The following AFG2A variants were observed in gnomAD, a reference collection of about 807,000 sequenced individuals.
The protein encoded by AFG2A is AAA ATPase AFG2A, also known as ATPase family gene 2 protein homolog A.
chr4:123,130,264 A>G, the AFG2A span, among the ~76,000 whole-genome samples: 2 of 152,174 alleles, frequency 1.3e-5, no homozygotes, highest in East Asian at 1.9e-4. Context: ...CAGTCCTTTC[A>G]CCTCAGCTTC....
chr4:123,034,667 G>A, the AFG2A span, among the ~76,000 whole-genome samples: 1 of 151,798 alleles, frequency 6.6e-6, no homozygotes, highest in Non-Finnish European at 1.5e-5. Context: ...TTCACTGATT[G>A]TAACAAATAT....
chr4:123,024,323 A>G, the AFG2A span, among the ~76,000 whole-genome samples: 162 of 152,214 alleles, frequency 1.1e-3, no homozygotes, highest in Non-Finnish European at 2.0e-3. Context: ...ATCACCAAAG[A>G]AAAAGGAGAA....
At chr4:123,111,841 A>G in the AFG2A span, among the ~76,000 whole-genome samples, 1 of 152,024 alleles carries the variant, frequency 6.6e-6, no homozygotes, top group African/African-American at 2.4e-5. Flanking sequence ...GGTTCAAGTC[A>G]TTCTTCTGCC....
the AFG2A span, among the ~76,000 whole-genome samples, chr4:123,182,207 A>G: frequency 6.6e-6 from 1 of 152,212 alleles, no homozygotes; most frequent in Non-Finnish European, 1.5e-5. Context: ...CTTTTAAACT[A>G]CATGTTTTCA....
chr4:123,023,617 C>T, the AFG2A span, among the ~76,000 whole-genome samples: 2 of 152,244 alleles, frequency 1.3e-5, no homozygotes, highest in Middle Eastern at 3.4e-3. Flanking sequence ...CTTTTCCACA[C>T]AGGCCTTGAT....
At chr4:122,933,154 A>G in the AFG2A span, among the ~76,000 whole-genome samples, 2 of 152,212 alleles carry the variant, frequency 1.3e-5, no homozygotes, top group African/African-American at 2.4e-5. Context: ...TTCTATTAAC[A>G]AAGTGCTGAA....
the AFG2A span, among the ~76,000 whole-genome samples, chr4:123,174,445 C>G: frequency 6.6e-6 from 1 of 152,132 alleles, no homozygotes; most frequent in South Asian, 2.1e-4. Flanking sequence ...TGGGGAGCCT[C>G]AGTTAACTGA....
At chr4:123,242,903 G>GA in the AFG2A span, among the ~76,000 whole-genome samples, 1 of 151,102 alleles carries the variant, frequency 6.6e-6, no homozygotes, top group Non-Finnish European at 1.5e-5. Flanking sequence ...AAATTTACAA[G>GA]AAAAAAAACA....
At chr4:122,929,819 A>C in the AFG2A span, among the ~76,000 whole-genome samples, 1 of 151,960 alleles carries the variant, frequency 6.6e-6, no homozygotes, top group Non-Finnish European at 1.5e-5. Context: ...CATTTTAAAC[A>C]TTTGATAGCT....
the AFG2A span, among the ~76,000 whole-genome samples, chr4:123,031,400 G>A: frequency 6.6e-6 from 1 of 152,108 alleles, no homozygotes; most frequent in East Asian, 1.9e-4. Context: ...CAATTTGCCC[G>A]CCTCACCCTC....
the AFG2A span, among the ~76,000 whole-genome samples, chr4:123,123,779 C>G: frequency 7.3e-5 from 11 of 150,246 alleles, no homozygotes; most frequent in African/African-American, 2.2e-4. Context: ...AACCCCGTCT[C>G]TACTAAAAAA....
chr4:123,221,947 T>C, the AFG2A span, among the ~76,000 whole-genome samples: 1 of 151,980 alleles, frequency 6.6e-6, no homozygotes. Flanking sequence ...AAAGTAAAAT[T>C]ATATTTGTAG....
the AFG2A span, among the ~76,000 whole-genome samples, chr4:123,283,003 A>G: frequency 9.2e-5 from 14 of 152,182 alleles, no homozygotes; most frequent in African/African-American, 2.9e-4. Flanking sequence ...AACTGTGAAT[A>G]TAAGTGTCTT....
the AFG2A span, among the ~76,000 whole-genome samples, chr4:122,953,600 G>C: frequency 2.6e-5 from 4 of 152,360 alleles, no homozygotes; most frequent in African/African-American, 9.6e-5. Context: ...TCTGCAGGAA[G>C]GGTGGCGGGC....
At chr4:123,270,104 C>G in the AFG2A span, among the ~76,000 whole-genome samples, 1 of 152,180 alleles carries the variant, frequency 6.6e-6, no homozygotes. Flanking sequence ...CGTGAGCCAC[C>G]ACACCCAGCC....
the AFG2A span, among the ~76,000 whole-genome samples, chr4:122,930,989 A>G: frequency 1.3e-5 from 2 of 152,100 alleles, no homozygotes; most frequent in African/African-American, 4.8e-5. Flanking sequence ...GTTAACTTCC[A>G]GTTGGGAAAA....
At chr4:123,118,714 C>T in the AFG2A span, among the ~76,000 whole-genome samples, 2 of 151,906 alleles carry the variant, frequency 1.3e-5, no homozygotes, top group Non-Finnish European at 2.9e-5. Context: ...TAGATATTAT[C>T]GTATTTCCTT....
At chr4:123,148,693 A>G in the AFG2A span, among the ~76,000 whole-genome samples, 1 of 152,168 alleles carries the variant, frequency 6.6e-6, no homozygotes, top group Non-Finnish European at 1.5e-5. Flanking sequence ...CTTTGATTAC[A>G]AATAGGAGGT....
At chr4:122,984,002 T>G in the AFG2A span, among the ~76,000 whole-genome samples, 4 of 152,176 alleles carry the variant, frequency 2.6e-5, no homozygotes, top group Non-Finnish European at 5.9e-5. Context: ...GCCCTAGACC[T>G]TCTTCTGACA....
Sources: gnomAD v4.1 joint callset for allele counts (sites outside exome capture counted in the v4.1 genomes callset) on GRCh38, gnomAD v4.1.1 for gene constraint, MANE v1.5 for transcripts, NCBI Gene and HGNC (gene_info 2026-07-23, HGNC 2026-07-21) for gene names.